The following ZNF688 variants were observed in gnomAD, a reference collection of about 807,000 sequenced individuals.
ZNF688 encodes the protein zinc finger protein 688.
In ZNF688, 10 loss-of-function variants were observed where a neutral mutation model predicts 13.2. That is an observed-to-expected ratio of 0.76 (90% CI 0.47 to 1.28). The LOEUF (loss-of-function observed/expected upper bound fraction) is 1.28. Ranked by LOEUF, ZNF688 falls within the 50% of genes most tolerant of loss-of-function variation. ZNF688 has a pLI of 0.00. For missense variants in ZNF688, 381 were observed against 391.4 expected, an observed-to-expected ratio of 0.97 and a Z score of 0.22; for synonymous variants, 160 against 159.4, an observed-to-expected ratio of 1.00 and a Z score of -0.03.
the ZNF688 span, chr16:30,578,429 A>G: frequency 2.6e-5 from 4 of 152,260 alleles, no homozygotes; most frequent in Admixed American, 2.0e-4. Context: ...TCAGATAATT[A>G]TGAGAAGTCA....
chr16:30,570,176 G>C lies in ZNF688; in HGVS notation c.571C>G (p.Arg191Gly). Residue 191 changes from arginine (R) to glycine (G), a missense_variant, in exon 3 of 3, where the codon CGC (arginine) becomes GGC (glycine). By Grantham distance (125) the Arg-to-Gly change is moderately radical. Transcript: ENST00000223459. ...RRHVCTDCGR[R>G]FTYPSLLVSH... ...ACCAGCAGTGAGGGGTAGGTGAAGC[G>C]GCGGCCGCAGTCCGTGCACACGTGG... 1 of 1,610,492 alleles carries C rather than the reference G, an allele frequency of 6.2e-7. No individual in the cohort carries two copies. The highest frequency in any genetic ancestry group is 8.5e-7 in the Non-Finnish European group (1 of 1,178,342).
chr16:30,571,690 C>G lies in ZNF688; in HGVS notation c.-61G>C, dbSNP rs1292922343. On this transcript the variant is annotated 5_prime_UTR_variant, in exon 1 of 3. Transcript: ENST00000223459. ...CCTGGAGCCGCCGCCTCCCCGCTCC[C>G]GGCCTCAGCTGTCGTTGTCCACAGG... 2 of 1,360,896 alleles carry G rather than the reference C, an allele frequency of 1.5e-6. No individual in the cohort carries two copies. Among genetic ancestry groups the G allele is most frequent in the Non-Finnish European group, 1.9e-6 (2 of 1,062,390 alleles). 84.3% of individuals were successfully genotyped at this position (1,360,896 alleles called of 1,614,324 possible). A position where few individuals can be genotyped will look rare whatever the true frequency, so the allele number is the denominator to read the frequency against.
Position 30,570,186 on chromosome 16 carries a change from G to T in ZNF688, c.561C>A (p.Asp187Glu). 6.2e-7 allele frequency: 1 copy of T among 1,611,380 alleles called. No homozygotes were observed. The highest frequency in any genetic ancestry group is 8.5e-7 in the Non-Finnish European group (1 of 1,178,922). Residue 187 changes from aspartate (D) to glutamate (E), a missense_variant, in exon 3 of 3, where the codon GAC becomes GAA. Physicochemically the swap from Asp to Glu is conservative, Grantham distance 45. Coordinates refer to ENST00000223459, the MANE Select transcript of ZNF688 (RefSeq NM_145271.4). ...QAGQRRHVCT[D>E]CGRRFTYPSL... The stretch of plus-strand genomic sequence containing the variant: ...AGGGGTAGGTGAAGCGGCGGCCGCA[G>T]TCCGTGCACACGTGGCGCCGCTGGC...
Position 30,571,558 on chromosome 16 carries a change from C to T in ZNF688, c.72G>A (p.Gly24=), listed in dbSNP as rs747120815. 47 of 1,575,178 alleles carry T rather than the reference C, an allele frequency of 3.0e-5. No individual in the cohort carries two copies. Among genetic ancestry groups the T allele is most frequent in the Non-Finnish European group, 3.8e-5 (44 of 1,161,728 alleles). The change falls in exon 1 of 3, where the codon GGG becomes GGA. Residue 24 remains glycine, a synonymous_variant. Transcript: ENST00000223459. ...GETRPGCRKP[G]TVSFADVAVY... is the part of the protein sequence containing the mutation. ...CGGCCACGTCCGCGAAGCTCACAGT[C>T]CCGGGCTTCCTGCAACCAGGCCGGG...
Position 30,570,937 on chromosome 16 carries a change from G to T in ZNF688, c.310+73C>A, listed in dbSNP as rs758422450. ...ATTTCTTTAGGGATGCTGGAAGTGG[G>T]GGCCTGAAAAGAAACTCTGCTAGAC... On this transcript the variant is annotated intron_variant, in intron 2 of 2. Transcript: ENST00000223459. The T allele has an allele frequency of 2.0e-6, 3 of 1,467,268 alleles. No individual in the cohort carries two copies. The South Asian group carries it at 3.5e-5, about 17-fold the overall frequency. The allele number at this position is 1,467,268 out of a possible 1,614,324, so 90.9% of individuals were successfully genotyped here. A position where few individuals can be genotyped will look rare whatever the true frequency, so the allele number is the denominator to read the frequency against.
upstream of ZNF688, chr16:30,571,956 A>G (rs888373867): frequency 3.8e-6 from 5 of 1,301,880 alleles, no homozygotes; most frequent in African/African-American, 7.6e-5. Flanking sequence ...TTATTTGACC[A>G]TATCAAATAT....
Position 30,569,922 on chromosome 16 carries a change from G to C in ZNF688, c.825C>G (p.Cys275Trp). 6.5e-7 allele frequency: 1 copy of C among 1,541,798 alleles called. No individual in the cohort carries two copies. The highest frequency in any genetic ancestry group is 8.7e-7 in the Non-Finnish European group (1 of 1,144,430). Residue 275 changes from cysteine to tryptophan, a missense_variant, in exon 3 of 3, where the codon TGC becomes TGG. Transcript: ENST00000223459. ...CTCCAGCCTGCGGTGCCGCTCAGCC[G>C]CACTCCTCGAAGATGTCTGGGTAGT... Reference protein sequence around the residue: ...FRHYPDIFEECG With the variant: ...FRHYPDIFEEWG
At chr16:30,570,565 G>A (rs1597138774) in intron 2 of ZNF688, 129 bp from the exon 3 acceptor site, 2 of 1,190,472 alleles carry the variant, frequency 1.7e-6, no homozygotes, top group East Asian at 2.4e-5. Context: ...TTTAGAACAA[G>A]GTAAACAGGA....
At chr16:30,570,831 C>T in intron 2 of ZNF688, 179 bp downstream of exon 2, 1 of 715,084 alleles carries the variant, frequency 1.4e-6, no homozygotes, top group East Asian at 2.8e-5. Context: ...GCTCCCAGTC[C>T]TCACAGGACC....
Position 30,570,147 on chromosome 16 carries a change from G to A in ZNF688, c.600C>T (p.Ser200=). Reference sequence around the variant, plus strand: ...GCTCCCCCGAGTGCATGCGCCTGTGGCTGACCAGCAGTGAGGGGTAGGTGA... The same window carrying A: ...GCTCCCCCGAGTGCATGCGCCTGTGACTGACCAGCAGTGAGGGGTAGGTGA... ...RRFTYPSLLV[S]HRRMHSGERP... The change falls in exon 3 of 3, where the codon AGC becomes AGT. Residue 200 remains serine, a synonymous_variant. Transcript: ENST00000223459. The A allele has an allele frequency of 6.2e-7, 1 of 1,611,262 alleles. No homozygotes were observed. The highest frequency in any genetic ancestry group is 8.5e-7 in the Non-Finnish European group (1 of 1,178,508).
At chr16:30,573,055 A>G (rs2051711386), upstream of ZNF688, among the ~76,000 whole-genome samples, 1 of 152,068 alleles carries the variant, frequency 6.6e-6, no homozygotes, top group Non-Finnish European at 1.5e-5. Flanking sequence ...TACAGGCATG[A>G]GCCACCATGC....
rs751569689 is a variant in ZNF688 at position 30,571,108 on chromosome 16, T to C, written c.212A>G (p.Lys71Arg). 4 of 1,581,486 alleles carry C rather than the reference T, an allele frequency of 2.5e-6. No individual in the cohort carries two copies. The highest frequency in any genetic ancestry group is 2.6e-6 in the Non-Finnish European group (3 of 1,164,162). The stretch of plus-strand genomic sequence containing the variant: ...TTCCATCCAAGAGATGAGGGCTGGT[T>C]TGGGGCCTGGGAATCCTGGGAGAGA... ...HLGALGFPGP[K>R]PALISWMEQE... is the part of the protein sequence containing the mutation. Residue 71 changes from lysine (K) to arginine (R), a missense_variant, in exon 2 of 3, where the codon AAA becomes AGA. By Grantham distance (26) the Lys-to-Arg change is conservative (BLOSUM62 2). Coordinates refer to ENST00000223459, the MANE Select transcript of ZNF688 (RefSeq NM_145271.4).
intron 1 of ZNF688, 55 bp downstream of exon 1, chr16:30,571,379 C>T: frequency 5.2e-6 from 8 of 1,540,144 alleles, no homozygotes; most frequent in Non-Finnish European, 7.0e-6. Context: ...CCTTCTACAT[C>T]ATCTCCCCTG....
intron 2 of ZNF688, 50 bp from the exon 3 acceptor site, chr16:30,570,486 T>C: frequency 6.4e-7 from 1 of 1,562,314 alleles, no homozygotes; most frequent in Non-Finnish European, 8.6e-7. Context: ...GCACAGACTG[T>C]CTCAGGTTAT....
chr16:30,573,556 G>C (rs1327370980), upstream of ZNF688, among the ~76,000 whole-genome samples: 2 of 152,208 alleles, frequency 1.3e-5, no homozygotes, highest in African/African-American at 4.8e-5. Context: ...GGTTGCTGGA[G>C]ATAACAAGCA....
Position 30,570,035 on chromosome 16 carries a change from C to G in ZNF688, c.712G>C (p.Gly238Arg). Residue 238 changes from glycine to arginine, a missense_variant, in exon 3 of 3, where the codon GGG becomes CGG. Physicochemically the swap from Gly to Arg is moderately radical, Grantham distance 125 (BLOSUM62 -2). Transcript: ENST00000223459. ...CCAGGCCTCCGGCCCCGCCGCCCCC[C>G]GGAGCAGGAGCGGTGGATCCACTGG... ...AHQWIHRSCS[G>R]GRRGRRPGIR... The G allele has an allele frequency of 6.2e-7, 1 of 1,611,014 alleles. No homozygotes were observed. Among genetic ancestry groups the G allele is most frequent in the Non-Finnish European group, 8.5e-7 (1 of 1,179,300 alleles).
Position 30,571,703 on chromosome 16 carries a change from CGTT to C in ZNF688, c.-77_-75del. On this transcript the variant is annotated 5_prime_UTR_variant, in exon 1 of 3. Transcript: ENST00000223459. ...CCTCCCCGCTCCCGGCCTCAGCTGTCGTTGTCCACAGGAAGGGCGGCCCCGCCC... is the reference window on the plus strand; with the variant it reads ...CCTCCCCGCTCCCGGCCTCAGCTGTCGTCCACAGGAAGGGCGGCCCCGCCC... 2.1e-5 allele frequency: 29 copies of C among 1,354,670 alleles called. No homozygotes were observed. Among genetic ancestry groups the C allele is most frequent in the Non-Finnish European group, 2.6e-5 (28 of 1,059,246 alleles). 83.9% of individuals were successfully genotyped at this position (1,354,670 alleles called of 1,614,324 possible). A position where few individuals can be genotyped will look rare whatever the true frequency, so the allele number is the denominator to read the frequency against.
At chr16:30,570,900 C>A in intron 2 of ZNF688, 110 bp downstream of exon 2, 1 of 1,175,764 alleles carries the variant, frequency 8.5e-7, no homozygotes, top group Non-Finnish European at 1.2e-6. Context: ...CTCTAGTACC[C>A]AACACAGTTG....
chr16:30,570,612 T>C, intron 2 of ZNF688, 176 bp from the exon 3 acceptor site: 3 of 719,320 alleles, frequency 4.2e-6, no homozygotes, highest in African/African-American at 1.8e-5. Context: ...TGAGCCTTGG[T>C]TCCTTATGCA....
Sources: allele counts gnomAD v4.1 joint callset (sites outside exome capture counted in the v4.1 genomes callset), GRCh38; gene constraint gnomAD v4.1.1; transcripts MANE v1.5; gene names NCBI Gene and HGNC (gene_info 2026-07-23, HGNC 2026-07-21).